SSX2IP: variants seen among roughly 807,000 people sequenced by gnomAD.
SSX2IP encodes SSX family member 2 interacting protein, also known as afadin- and alpha-actinin-binding protein.
SSX2IP carries 55 observed loss-of-function variants against 84.9 expected under a neutral mutation model. The observed-to-expected ratio is 0.65, with a 90% CI of 0.52 to 0.81. The LOEUF (loss-of-function observed/expected upper bound fraction) is 0.81. SSX2IP is among the 30% of genes least tolerant of loss of function. The pLI, the probability that SSX2IP is intolerant of heterozygous loss-of-function variation, is 0.00. For synonymous variants in SSX2IP, 239 were observed against 234.7 expected (o/e 1.02, Z -0.17); for missense variants, 664 against 705.2 (o/e 0.94, Z 0.66).
chr1:84,683,466 C>T (rs1013271921), intron 1 of SSX2IP, among the ~76,000 whole-genome samples: 7 of 152,172 alleles, frequency 4.6e-5, no homozygotes, highest in African/African-American at 1.7e-4. Context: ...GCCAGGCTTT[C>T]CCTGCACTGC....
In SSX2IP at chr1:84,650,321, A is replaced by G. The variant is rs1465158436; in HGVS notation, c.1670+41T>C. The G allele has an allele frequency of 1.9e-6, 3 of 1,611,164 alleles. No homozygotes were observed. In the African/African-American group the frequency reaches 4.0e-5, roughly 22 times the overall value. Reference sequence around the variant, plus strand: ...TTCCCTTAGCAGTGCAACTTTAGCAATTTTTAGAAACACGTGAAAAGATCA... The same window carrying G: ...TTCCCTTAGCAGTGCAACTTTAGCAGTTTTTAGAAACACGTGAAAAGATCA... On this transcript the variant is annotated intron_variant, in intron 13 of 13. Coordinates refer to ENST00000342203, the MANE Select transcript of SSX2IP (RefSeq NM_001166293.2).
At chr1:84,655,316 T>C in intron 11 of SSX2IP, 1 of 1,077,812 alleles carries the variant, frequency 9.3e-7, no homozygotes, top group African/African-American at 1.7e-5. Context: ...TGATTTTTTT[T>C]TTTTAACCTT....
chr1:84,689,664 G>A (rs779023412), intron 1 of SSX2IP, among the ~76,000 whole-genome samples: 9 of 152,154 alleles, frequency 5.9e-5, no homozygotes, highest in Non-Finnish European at 1.2e-4. Context: ...TATGTCCTGG[G>A]CCCAAGCGAT....
rs11362632 is a variant in SSX2IP at position 84,661,067 on chromosome 1, T to TA, written c.927+1130dup. Reference sequence around the variant, plus strand: ...GGCAACAGAGCAAGACTCCGTCTCTTAAAAAAAAAAAAAAAAAAAAAATTT... The same window carrying TA: ...GGCAACAGAGCAAGACTCCGTCTCTTAAAAAAAAAAAAAAAAAAAAAAATTT... On this transcript the variant is annotated intron_variant, in intron 8 of 13. Transcript: ENST00000342203. Among the ~76,000 whole-genome samples, 398 of 107,442 alleles carry TA rather than the reference T, an allele frequency of 3.7e-3. 7 individuals carry two copies. In the East Asian group the frequency reaches 0.051, roughly 14 times the overall value. The allele number at this position is 107,442 out of a possible 152,430, so 70.5% of individuals were successfully genotyped here.
chr1:84,676,127 G>C (rs979762122), intron 1 of SSX2IP, among the ~76,000 whole-genome samples: 14 of 152,138 alleles, frequency 9.2e-5, no homozygotes, highest in Non-Finnish European at 1.5e-5. Flanking sequence ...ATTCATGAGT[G>C]AATTTTATGA....
chr1:84,664,714 TAA>T (rs1652518472), intron 5 of SSX2IP, among the ~76,000 whole-genome samples, 162 bp from the exon 6 acceptor site: 1 of 152,142 alleles, frequency 6.6e-6, no homozygotes, highest in Admixed American at 6.6e-5. Context: ...ATGAATCACA[TAA>T]AGTTTTTTTA....
intron 3 of SSX2IP, chr1:84,670,189 A>G (rs1296012248): frequency 1.0e-5 from 2 of 193,822 alleles, no homozygotes; most frequent in Non-Finnish European, 2.1e-5. Context: ...TTAAAAATAA[A>G]TGTGAATTAT....
At chr1:84,680,142 T>A (rs1654882579) in intron 1 of SSX2IP, among the ~76,000 whole-genome samples, 2 of 152,160 alleles carry the variant, frequency 1.3e-5, no homozygotes, top group South Asian at 4.2e-4. Flanking sequence ...AGGGATATAA[T>A]CTCAATGAAG....
chr1:84,652,799 G>A (rs896756342), intron 11 of SSX2IP, among the ~76,000 whole-genome samples: 1 of 152,068 alleles, frequency 6.6e-6, no homozygotes, highest in East Asian at 1.9e-4. Flanking sequence ...GCCAAGGCGG[G>A]TGGATCACGA....
intron 5 of SSX2IP, 108 bp from the exon 6 acceptor site, chr1:84,664,660 C>A: frequency 1.0e-6 from 1 of 978,718 alleles, no homozygotes. Flanking sequence ...TAGGATGATT[C>A]TTCCTTATTT....
At chr1:84,651,762 A>G in intron 12 of SSX2IP, 121 bp downstream of exon 12, 1 of 633,838 alleles carries the variant, frequency 1.6e-6, no homozygotes, top group South Asian at 2.8e-5. Context: ...TTTTAGTTAT[A>G]ATTAGAGAGC....
intron 11 of SSX2IP, among the ~76,000 whole-genome samples, chr1:84,654,020 G>A (rs184538079): frequency 2.5e-3 from 379 of 152,176 alleles, no homozygotes; most frequent in Admixed American, 4.4e-3. Flanking sequence ...GGCCAGTTTC[G>A]TGATCTCTAA....
At chr1:84,678,273 T>C (rs375059167) in intron 1 of SSX2IP, among the ~76,000 whole-genome samples, 154 of 152,322 alleles carry the variant, frequency 1.0e-3, no homozygotes, top group Non-Finnish European at 2.0e-3. Context: ...ACCTGAAACA[T>C]AGCAGGTGCT....
chr1:84,687,800 C>G (rs1655997222), intron 1 of SSX2IP, among the ~76,000 whole-genome samples: 1 of 152,206 alleles, frequency 6.6e-6, no homozygotes, highest in African/African-American at 2.4e-5. Flanking sequence ...GTTCACAGCA[C>G]TGTTCTACAG....
intron 1 of SSX2IP, among the ~76,000 whole-genome samples, chr1:84,680,721 A>C (rs1654962652): frequency 6.6e-6 from 1 of 152,200 alleles, no homozygotes; most frequent in Non-Finnish European, 1.5e-5. Flanking sequence ...AAGTTGGTAT[A>C]AGGACAGAAA....
chr1:84,650,671 C>G (rs1284139349), intron 12 of SSX2IP, 144 bp from the exon 13 acceptor site: 2 of 923,738 alleles, frequency 2.2e-6, no homozygotes, highest in African/African-American at 1.7e-5. Context: ...ATTAATCTTG[C>G]TTATCTTTGT....
intron 9 of SSX2IP, 200 bp downstream of exon 9, chr1:84,658,118 C>T (rs1351933482): frequency 5.4e-6 from 3 of 552,506 alleles, no homozygotes; most frequent in African/African-American, 1.9e-5. Context: ...CCTGGGTGAC[C>T]GAGCAAGGTT....
intron 1 of SSX2IP, among the ~76,000 whole-genome samples, chr1:84,686,705 G>A (rs925185379): frequency 1.4e-4 from 22 of 152,172 alleles, no homozygotes; most frequent in African/African-American, 4.6e-4. Context: ...ACAGGGGAAC[G>A]GACTTCAGGA....
intron 1 of SSX2IP, among the ~76,000 whole-genome samples, chr1:84,686,292 GCTGA>G (rs1655778551): frequency 6.6e-6 from 1 of 152,192 alleles, no homozygotes; most frequent in Non-Finnish European, 1.5e-5. Context: ...GGACCAGCTG[GCTGA>G]CTTAGTCAGT....
Sources: allele counts gnomAD v4.1 joint callset (sites outside exome capture counted in the v4.1 genomes callset), GRCh38; gene constraint gnomAD v4.1.1; transcripts MANE v1.5; gene names NCBI Gene and HGNC (gene_info 2026-07-23, HGNC 2026-07-21).